NUCB2: variants seen among roughly 807,000 people sequenced by gnomAD.
NUCB2 encodes nucleobindin 2.
Under a neutral mutation model 57.9 loss-of-function variants are expected in NUCB2, and 48 were observed. The ratio of observed to expected loss-of-function variants is 0.83; its 90% CI spans 0.66 to 1.05. The LOEUF (loss-of-function observed/expected upper bound fraction) is 1.05, where lower values mean the gene tolerates loss of function less well. Among genes scored for constraint, NUCB2 ranks in the 50% least tolerant of loss-of-function variants. The pLI is 0.00. For missense variants in NUCB2, 442 were observed against 476.2 expected, an observed-to-expected ratio of 0.93 and a Z score of 0.67; for synonymous variants, 139 against 152.1, an observed-to-expected ratio of 0.91 and a Z score of 0.64.
intron 2 of NUCB2, among the ~76,000 whole-genome samples, chr11:17,290,642 A>G (rs951035618): frequency 2.0e-5 from 3 of 152,170 alleles, no homozygotes; most frequent in African/African-American, 4.8e-5. Flanking sequence ...TTAAGTTTAT[A>G]TATATATACC....
At chr11:17,296,322 A>T (rs893532606) in intron 4 of NUCB2, 111 bp downstream of exon 4, 1 of 504,224 alleles carries the variant, frequency 2.0e-6, no homozygotes, top group Non-Finnish European at 3.4e-6. Flanking sequence ...GGCTCTAGTG[A>T]TCCTCCCACC....
downstream of NUCB2, among the ~76,000 whole-genome samples, chr11:17,335,378 A>G (rs1477552010): frequency 6.6e-6 from 1 of 152,234 alleles, no homozygotes; most frequent in Non-Finnish European, 1.5e-5. Flanking sequence ...ATATTAATGT[A>G]GAAATATTTC....
intron 11 of NUCB2, among the ~76,000 whole-genome samples, chr11:17,324,786 A>ATTTATTTG (rs1387067876): frequency 6.9e-5 from 6 of 86,380 alleles, no homozygotes; most frequent in African/African-American, 2.0e-4. Context: ...TTGTCTATTT[A>ATTTATTTG]TTTATTTATT....
rs1565376896 is a variant in NUCB2 at position 17,288,932 on chromosome 11, CACACACACACACACACACATAT to C, written c.-1+5991_-1+6012del. Among the ~76,000 whole-genome samples, 19 of 87,252 alleles carry C rather than the reference CACACACACACACACACACATAT, an allele frequency of 2.2e-4. 1 individual carries two copies. Among genetic ancestry groups the C allele is most frequent in the East Asian group, 1.3e-3 (2 of 1,548 alleles). The allele number at this position is 87,252 out of a possible 152,430, so 57.2% of individuals were successfully genotyped here. On this transcript the variant is annotated intron_variant, in intron 2 of 13. Coordinates refer to ENST00000529010, the MANE Select transcript of NUCB2 (RefSeq NM_005013.4). ...ACACACACACACACACACACACACACACACACACACACACACACATATATATATATATTTTTTTTTTTTGAGA... is the reference window on the plus strand; with the variant it reads ...ACACACACACACACACACACACACACATATATATATTTTTTTTTTTTGAGA...
intron 2 of NUCB2, among the ~76,000 whole-genome samples, chr11:17,342,678 T>G (rs1472555950): frequency 6.7e-6 from 1 of 149,550 alleles, no homozygotes; most frequent in Non-Finnish European, 1.5e-5. Flanking sequence ...GTCTGAGAGA[T>G]AGTTTGTTAT....
At chr11:17,325,153 A>G (rs1434814076) in intron 11 of NUCB2, among the ~76,000 whole-genome samples, 1 of 152,092 alleles carries the variant, frequency 6.6e-6, no homozygotes, top group African/African-American at 2.4e-5. Context: ...AAAAATGTGT[A>G]CTCTATAGCT....
intron 2 of NUCB2, among the ~76,000 whole-genome samples, chr11:17,291,544 T>TTAAAAAAAAAAAAAAAAA (rs1565383458): frequency 6.3e-4 from 1 of 1,582 alleles, no homozygotes; most frequent in African/African-American, 1.4e-3. Flanking sequence ...AGACTCTGCA[T>TTAAAAAAAAAAAAAAAAA]CAAAAAAAAA....
intron 2 of NUCB2, among the ~76,000 whole-genome samples, chr11:17,343,026 G>C (rs1202706574): frequency 9.9e-5 from 15 of 152,014 alleles, no homozygotes; most frequent in Non-Finnish European, 2.2e-4. Context: ...ATTTAGGATA[G>C]TTAGCTCTTC....
chr11:17,341,617 T>C (rs1338299818), intron 2 of NUCB2, among the ~76,000 whole-genome samples: 1 of 152,234 alleles, frequency 6.6e-6, no homozygotes, highest in East Asian at 1.9e-4. Context: ...CTGGATTATG[T>C]TTATTGATTT....
At chr11:17,280,711 A>G (rs1018476205) in intron 1 of NUCB2, among the ~76,000 whole-genome samples, 4 of 152,164 alleles carry the variant, frequency 2.6e-5, no homozygotes, top group African/African-American at 9.6e-5. Context: ...TGGTTCTGGC[A>G]ATGTTCAGAG....
chr11:17,325,948 ATACTT>A (rs1950608170), intron 11 of NUCB2, among the ~76,000 whole-genome samples: 1 of 152,120 alleles, frequency 6.6e-6, no homozygotes, highest in Non-Finnish European at 1.5e-5. Flanking sequence ...AAGAAAATAA[ATACTT>A]TACACTTTAA....
chr11:17,287,580 GGA>G (rs1244638886), intron 2 of NUCB2, among the ~76,000 whole-genome samples: 2 of 150,390 alleles, frequency 1.3e-5, no homozygotes, highest in East Asian at 2.0e-4. Flanking sequence ...GGCTGAGGCA[GGA>G]GAATCGCTTG....
intron 2 of NUCB2, among the ~76,000 whole-genome samples, chr11:17,345,019 G>C (rs1952602191): frequency 6.6e-6 from 1 of 152,172 alleles, no homozygotes; most frequent in African/African-American, 2.4e-5. Context: ...TAGAAACCTT[G>C]CAACTTTAGA....
chr11:17,310,674 A>G (rs1948353786), intron 6 of NUCB2, 151 bp from the exon 7 acceptor site: 3 of 523,680 alleles, frequency 5.7e-6, no homozygotes, highest in Non-Finnish European at 3.3e-6. Context: ...CTTGACTAAA[A>G]TGAAATGGTA....
chr11:17,312,912 T>G (rs1487414320), intron 10 of NUCB2, among the ~76,000 whole-genome samples: 3 of 146,920 alleles, frequency 2.0e-5, no homozygotes, highest in East Asian at 4.1e-4. Flanking sequence ...TCACCATGTT[T>G]GCCAGGCTGG....
At chr11:17,314,416 A>G (rs1948948794) in intron 10 of NUCB2, among the ~76,000 whole-genome samples, 1 of 152,156 alleles carries the variant, frequency 6.6e-6, no homozygotes, top group South Asian at 2.1e-4. Context: ...TCCTATTTCC[A>G]AAAGATTCGT....
At chr11:17,298,846 G>C (rs908494989) in intron 4 of NUCB2, among the ~76,000 whole-genome samples, 1 of 151,978 alleles carries the variant, frequency 6.6e-6, no homozygotes, top group Non-Finnish European at 1.5e-5. Context: ...TTACAGGTGT[G>C]GGCCACCTTG....
rs561532754 is a variant in NUCB2, at chr11:17,324,762, A to G, written c.1003-5365A>G. 2.4e-4 allele frequency among the ~76,000 whole-genome samples: 36 copies of G among 150,962 alleles called. No homozygotes were observed. In the South Asian group the frequency reaches 7.3e-3, roughly 31 times the overall value. On this transcript the variant is annotated intron_variant, in intron 11 of 13. Coordinates refer to ENST00000529010, the MANE Select transcript of NUCB2 (RefSeq NM_005013.4). ...TGTTATAAGACTTGTTTTGTGACCT[A>G]GCATATTGTCTATTTGTCTATTTAT...
At chr11:17,298,013 C>T (rs1480424760) in intron 4 of NUCB2, among the ~76,000 whole-genome samples, 1 of 143,116 alleles carries the variant, frequency 7.0e-6, no homozygotes, top group Non-Finnish European at 1.5e-5. Context: ...ACCTGGGCGG[C>T]AGAGGTTGCA....
Sources: allele counts gnomAD v4.1 joint callset (sites outside exome capture counted in the v4.1 genomes callset), GRCh38; gene constraint gnomAD v4.1.1; transcripts MANE v1.5; gene names NCBI Gene and HGNC (gene_info 2026-07-23, HGNC 2026-07-21).